The following LENG8 variants were observed in gnomAD, a reference collection of about 807,000 sequenced individuals.
LENG8 encodes leukocyte receptor cluster member 8.
LENG8 carries 28 observed loss-of-function variants against 102.1 expected under a neutral mutation model. That is an observed-to-expected ratio of 0.27 (90% CI 0.20 to 0.38). LENG8 has a LOEUF of 0.38. Among genes scored for constraint, LENG8 ranks in the 10% least tolerant of loss-of-function variants. LENG8 has a pLI of 1.00. For missense variants in LENG8, 1,022 were observed against 1,113.9 expected (o/e 0.92, Z 1.17); for synonymous variants, 531 against 456.7 (o/e 1.16, Z -2.07).
intron 11 of LENG8, among the ~76,000 whole-genome samples, chr19:54,457,224 G>C (rs1438525332): frequency 6.6e-6 from 1 of 152,254 alleles, no homozygotes; most frequent in East Asian, 1.9e-4. Context: ...TGGGGCGTGG[G>C]GGGCTGTGTT....
At chr19:54,450,291 T>C (rs1159058927) in intron 1 of LENG8, among the ~76,000 whole-genome samples, 3 of 152,206 alleles carry the variant, frequency 2.0e-5, no homozygotes, top group African/African-American at 7.2e-5. Context: ...TAGGTCTCTT[T>C]ACTGCCCTTC....
At chr19:54,453,415 G>A in intron 4 of LENG8, 131 bp from the exon 5 acceptor site, 2 of 653,608 alleles carry the variant, frequency 3.1e-6, no homozygotes, top group South Asian at 1.7e-5. Context: ...AGGATGTGGT[G>A]CATTAATATA....
chr19:54,460,806 C>G lies in LENG8; in HGVS notation c.2281C>G (p.Leu761Val). Residue 761 changes from leucine (L) to valine (V), a missense_variant, in exon 16 of 16, where the codon CTG becomes GTG. By Grantham distance (32) the Leu-to-Val change is conservative. Transcript: ENST00000326764. ...GCCAGTCTCCTACCTGCAGGCCGAG[C>G]TGGCCTTCGAGGGCGAGGCCGCCTG... ...ALPVSYLQAE[L>V]AFEGEAACRA... is the part of the protein sequence containing the mutation. 1.3e-6 allele frequency: 2 copies of G among 1,591,890 alleles called. No homozygotes were observed. The highest frequency in any genetic ancestry group is 1.7e-6 in the Non-Finnish European group (2 of 1,170,372).
intron 1 of LENG8, among the ~76,000 whole-genome samples, chr19:54,450,225 CT>C (rs1253382241): frequency 6.6e-6 from 1 of 152,204 alleles, no homozygotes; most frequent in African/African-American, 2.4e-5. Context: ...CCTACCCCTG[CT>C]TCCGGGAACC....
At position 54,461,489 on chromosome 19, in the gene LENG8, T is replaced by TGCCAGCACC; in HGVS notation, c.*562_*570dup. ...CCGTCCTCGGCCCCCCACCCTGAAGTGCCAGCACCACCAGCACCAGATCCT... is the reference window on the plus strand; with the variant it reads ...CCGTCCTCGGCCCCCCACCCTGAAGTGCCAGCACCGCCAGCACCACCAGCACCAGATCCT... On this transcript the variant is annotated 3_prime_UTR_variant, in exon 16 of 16. Transcript: ENST00000326764. 2.1e-6 allele frequency: 1 copy of TGCCAGCACC among 466,366 alleles called. No homozygotes were observed. Among genetic ancestry groups the TGCCAGCACC allele is most frequent in the Admixed American group, 2.4e-5 (1 of 42,370 alleles). The allele number at this position is 466,366 out of a possible 1,614,324, so 28.9% of individuals were successfully genotyped here.
chr19:54,455,884 G>A, intron 8 of LENG8, 83 bp from the exon 9 acceptor site: 1 of 1,451,274 alleles, frequency 6.9e-7, no homozygotes, highest in South Asian at 1.3e-5. Flanking sequence ...TCGGAGGCGG[G>A]TCGGTACCTT....
At position 54,456,319 on chromosome 19, in the gene LENG8, C is replaced by G; in HGVS notation, c.1305-6C>G. On this transcript the variant is annotated splice_region_variant and splice_polypyrimidine_tract_variant and intron_variant, in intron 9 of 15. Transcript: ENST00000326764. ...TCAGGCCTGACCCTCCTGCTTCTTC[C>G]TGCAGTGACTCCCACTCAGACTCCG... The G allele has an allele frequency of 5.0e-6, 8 of 1,614,106 alleles. No individual in the cohort carries two copies. The highest frequency in any genetic ancestry group is 6.8e-6 in the Non-Finnish European group (8 of 1,180,000).
In LENG8 at chr19:54,456,198, C is replaced by A. The variant is rs1213808297; in HGVS notation, c.1257C>A (p.Ser419=). The A allele has an allele frequency of 6.2e-7, 1 of 1,611,462 alleles. No homozygotes were observed. The highest frequency in any genetic ancestry group is 1.7e-5 in the Admixed American group (1 of 59,842). Residue 419 remains serine (S), a synonymous_variant, in exon 9 of 16, where the codon TCC becomes TCA. Transcript: ENST00000326764. ...KDNSSSSSTD[S]RSRSSSRSPT... is the part of the protein sequence containing the mutation. ...ACAGCTCTTCTTCCAGCACAGACTC[C>A]CGCTCCCGCTCCTCCTCCAGGTCCC...
intron 5 of LENG8, among the ~76,000 whole-genome samples, chr19:54,454,213 A>G (rs1422528048): frequency 6.6e-6 from 1 of 152,144 alleles, no homozygotes; most frequent in African/African-American, 2.4e-5. Context: ...GAAGTCGCTT[A>G]GTCTCTGAGC....
intron 5 of LENG8, among the ~76,000 whole-genome samples, chr19:54,454,063 C>T (rs2084092757): frequency 6.6e-6 from 1 of 152,048 alleles, no homozygotes; most frequent in Non-Finnish European, 1.5e-5. Flanking sequence ...GGATGGTAGC[C>T]TCATCCTTGG....
At chr19:54,459,368 A>G (rs1426179089) in intron 15 of LENG8, 1 of 996,592 alleles carries the variant, frequency 1.0e-6, no homozygotes, top group Non-Finnish European at 1.2e-6. Flanking sequence ...TGTCCACGTG[A>G]GGTCATAGTC....
chr19:54,454,416 GCTTC>G lies in LENG8; in HGVS notation c.427-9_427-6del, dbSNP rs1207416197. 1 of 1,590,880 alleles carries G rather than the reference GCTTC, an allele frequency of 6.3e-7. No homozygotes were observed. The highest frequency in any genetic ancestry group is 8.6e-7 in the Non-Finnish European group (1 of 1,167,408). The stretch of plus-strand genomic sequence containing the variant: ...AATCTGCCTCCCGTGCTCAGCGCCT[GCTTC>G]CTTCTGCAGCCCCCAGTCCCCGGCA... On this transcript the variant is annotated splice_polypyrimidine_tract_variant and intron_variant, in intron 5 of 15. Transcript: ENST00000326764.
intron 1 of LENG8, among the ~76,000 whole-genome samples, chr19:54,450,091 A>G (rs1354716600): frequency 1.3e-5 from 2 of 151,990 alleles, no homozygotes; most frequent in African/African-American, 4.8e-5. Flanking sequence ...GAGACACTCC[A>G]CTTTTCTTCC....
rs1478072566 is a variant in LENG8, at chr19:54,454,426, G to T, written c.427-4G>T. On this transcript the variant is annotated splice_polypyrimidine_tract_variant and splice_region_variant and intron_variant, in intron 5 of 15. Coordinates refer to ENST00000326764, the MANE Select transcript of LENG8 (RefSeq NM_052925.4). The stretch of plus-strand genomic sequence containing the variant: ...CCGTGCTCAGCGCCTGCTTCCTTCT[G>T]CAGCCCCCAGTCCCCGGCATGGATG... The T allele has an allele frequency of 1.9e-6, 3 of 1,597,718 alleles. No individual in the cohort carries two copies. In the African/African-American group the frequency reaches 4.0e-5, roughly 21 times the overall value.
rs2084206731 is a variant in LENG8 at position 54,455,885 on chromosome 19, T to TAC, written c.1026-82_1026-81insAC. The TAC allele has an allele frequency of 2.4e-5, 35 of 1,449,414 alleles. 1 individual carries two copies. In the South Asian group the frequency reaches 4.5e-4, roughly 18 times the overall value. 89.8% of individuals were successfully genotyped at this position (1,449,414 alleles called of 1,614,324 possible). A position where few individuals can be genotyped will look rare whatever the true frequency, so the allele number is the denominator to read the frequency against. The stretch of plus-strand genomic sequence containing the variant: ...AAGTGCCTTTCCTTTCGGAGGCGGG[T>TAC]CGGTACCTTGAGGGAGGTGGTGGCG... On this transcript the variant is annotated intron_variant, in intron 8 of 15. Coordinates refer to ENST00000326764, the MANE Select transcript of LENG8 (RefSeq NM_052925.4).
rs932555266 is a variant in LENG8 at position 54,461,336 on chromosome 19, C to T, written c.*408C>T. The T allele has an allele frequency of 5.2e-5, 24 of 459,760 alleles. No individual in the cohort carries two copies. The highest frequency in any genetic ancestry group is 2.9e-4 in the Admixed American group (12 of 41,708). 28.5% of individuals were successfully genotyped at this position (459,760 alleles called of 1,614,324 possible). A position where few individuals can be genotyped will look rare whatever the true frequency, so the allele number is the denominator to read the frequency against. On this transcript the variant is annotated 3_prime_UTR_variant, in exon 16 of 16. Transcript: ENST00000326764. ...GAAGACAGGCCGTCCAGCCCGTGCC[C>T]GCCTGCGGCGGGGGCACCCAGCAAG...
rs768879946 is a variant in LENG8, at chr19:54,461,392, C to T, written c.*464C>T. 8 of 457,992 alleles carry T rather than the reference C, an allele frequency of 1.7e-5. No individual in the cohort carries two copies. The highest frequency in any genetic ancestry group is 3.2e-4 in the Middle Eastern group (1 of 3,104). 28.4% of individuals were successfully genotyped at this position (457,992 alleles called of 1,614,324 possible). A position where few individuals can be genotyped will look rare whatever the true frequency, so the allele number is the denominator to read the frequency against. ...CCACCGCCCGCTGCCTCACCTGCTT[C>T]GCCACAGACTCTTGTTCCCAGCCCC... On this transcript the variant is annotated 3_prime_UTR_variant, in exon 16 of 16. Coordinates refer to ENST00000326764, the MANE Select transcript of LENG8 (RefSeq NM_052925.4).
At chr19:54,455,136 C>G (rs758093386) in intron 7 of LENG8, 44 bp downstream of exon 7, 1 of 1,612,038 alleles carries the variant, frequency 6.2e-7, no homozygotes, top group African/African-American at 1.3e-5. Flanking sequence ...ACACTCTGCA[C>G]TCAGCGTCTA....
At position 54,458,354 on chromosome 19, in the gene LENG8, G is replaced by C. The variant is rs375566581; in HGVS notation, c.2073G>C (p.Lys691Asn). 1.2e-6 allele frequency: 2 copies of C among 1,614,042 alleles called. No homozygotes were observed. Among genetic ancestry groups the C allele is most frequent in the African/African-American group, 2.7e-5 (2 of 74,952 alleles). ...TGGCATACCTCACACGAGAACTGAA[G>C]GCAGATCCTTGCGTGGCCCACGCCT... Reference protein sequence around the residue: ...TELAYLTRELKADPCVAHALA... With the variant: ...TELAYLTRELNADPCVAHALA... Residue 691 changes from lysine to asparagine, a missense_variant, in exon 15 of 16, where the codon AAG becomes AAC. Transcript: ENST00000326764.
Sources: gnomAD v4.1 joint callset for allele counts (sites outside exome capture counted in the v4.1 genomes callset) on GRCh38, gnomAD v4.1.1 for gene constraint, MANE v1.5 for transcripts, NCBI Gene and HGNC (gene_info 2026-07-23, HGNC 2026-07-21) for gene names.